Variants in SHISA6 observed in about 807,000 individuals in gnomAD.
The protein encoded by SHISA6 is protein shisa-6.
Under a neutral mutation model 47.9 loss-of-function variants are expected in SHISA6, and 22 were observed. That is an observed-to-expected ratio of 0.46 (90% CI 0.33 to 0.66). The LOEUF is 0.66. Among genes scored for constraint, SHISA6 ranks in the 30% least tolerant of loss-of-function variants. The pLI is 0.02. For synonymous variants in SHISA6, 388 were observed against 337.8 expected (o/e 1.15, Z -1.63); for missense variants, 680 against 764.6 (o/e 0.89, Z 1.30).
chr17:11,264,274 T>C (rs1415757407), intron 2 of SHISA6, among the ~76,000 whole-genome samples: 2 of 152,224 alleles, frequency 1.3e-5, no homozygotes, highest in African/African-American at 4.8e-5. Context: ...TTTACATATA[T>C]TTTCTTATTT....
At chr17:11,403,113 T>G (rs1913835134) in intron 3 of SHISA6, among the ~76,000 whole-genome samples, 1 of 152,238 alleles carries the variant, frequency 6.6e-6, no homozygotes. Flanking sequence ...ATTATGCTAA[T>G]GTACCAAGGG....
intron 2 of SHISA6, among the ~76,000 whole-genome samples, chr17:11,299,232 A>G (rs941919698): frequency 2.0e-5 from 3 of 152,208 alleles, no homozygotes; most frequent in Admixed American, 2.0e-4. Flanking sequence ...AAGCAGTTGG[A>G]TCGGAATAAT....
chr17:11,295,242 A>G (rs1201715376), intron 2 of SHISA6, among the ~76,000 whole-genome samples: 2 of 152,258 alleles, frequency 1.3e-5, no homozygotes, highest in Non-Finnish European at 2.9e-5. Context: ...GGGGACTACC[A>G]TATCAGTCTT....
chr17:11,498,236 C>T (rs2071424086), intron 3 of SHISA6, among the ~76,000 whole-genome samples: 1 of 152,154 alleles, frequency 6.6e-6, no homozygotes, highest in Admixed American at 6.5e-5. Flanking sequence ...AGTGTTCACT[C>T]CTGATGTATC....
chr17:11,356,344 C>A (rs1056685994), intron 2 of SHISA6, among the ~76,000 whole-genome samples: 2 of 152,148 alleles, frequency 1.3e-5, no homozygotes, highest in Non-Finnish European at 2.9e-5. Context: ...CAGGTAGTCC[C>A]CTCCAGAGAC....
At chr17:11,402,207 A>G (rs912701468) in intron 3 of SHISA6, among the ~76,000 whole-genome samples, 3 of 152,110 alleles carry the variant, frequency 2.0e-5, no homozygotes, top group South Asian at 2.1e-4. Flanking sequence ...CTTCCTGGCC[A>G]TACTTCAAAT....
At chr17:11,427,594 T>A (rs572210686) in intron 3 of SHISA6, among the ~76,000 whole-genome samples, 76 of 152,226 alleles carry the variant, frequency 5.0e-4, no homozygotes, top group African/African-American at 1.8e-3. Flanking sequence ...GGGTGAAACA[T>A]CCTCAAGTTA....
chr17:11,298,564 T>C (rs1366492336), intron 2 of SHISA6, among the ~76,000 whole-genome samples: 1 of 152,156 alleles, frequency 6.6e-6, no homozygotes, highest in Non-Finnish European at 1.5e-5. Flanking sequence ...CAACAGGTGA[T>C]GACAAGGAGG....
At chr17:11,281,723 G>T (rs1362379243) in intron 2 of SHISA6, among the ~76,000 whole-genome samples, 2 of 152,146 alleles carry the variant, frequency 1.3e-5, no homozygotes. Flanking sequence ...AACTTTACCA[G>T]TGAAGGCATC....
chr17:11,381,125 T>C lies in SHISA6; in HGVS notation c.895+1616T>C, dbSNP rs377719735. On this transcript the variant is annotated intron_variant, in intron 3 of 5. Transcript: ENST00000441885. ...GCCAGCTACCACAAGCCTACAAACC[T>C]TGGAGCAGAGGTGGAAATATGGATT... Among the ~76,000 whole-genome samples the C allele has an allele frequency of 2.2e-4, 33 of 152,188 alleles. No homozygotes were observed. In the East Asian group the frequency reaches 3.1e-3, roughly 14 times the overall value.
intron 4 of SHISA6, among the ~76,000 whole-genome samples, chr17:11,554,496 C>T (rs979269964): frequency 6.6e-6 from 1 of 152,126 alleles, no homozygotes; most frequent in African/African-American, 2.4e-5. Context: ...TCACACAGTC[C>T]ACAGAATTCC....
chr17:11,351,949 G>A (rs1214888610), intron 2 of SHISA6, among the ~76,000 whole-genome samples: 1 of 152,186 alleles, frequency 6.6e-6, no homozygotes, highest in Non-Finnish European at 1.5e-5. Flanking sequence ...AGGTAAGTAT[G>A]GAAAAGACAT....
At chr17:11,324,128 A>T (rs1255369854) in intron 2 of SHISA6, among the ~76,000 whole-genome samples, 1 of 152,084 alleles carries the variant, frequency 6.6e-6, no homozygotes, top group African/African-American at 2.4e-5. Context: ...TCTTGGGAAT[A>T]TTTCCCGTCC....
intron 2 of SHISA6, among the ~76,000 whole-genome samples, chr17:11,316,042 T>C (rs1343629337): frequency 6.6e-6 from 1 of 152,200 alleles, no homozygotes; most frequent in Non-Finnish European, 1.5e-5. Context: ...ACTCTTTGCC[T>C]ATCTGCTCAT....
chr17:11,379,636 C>T (rs754376676), intron 3 of SHISA6, 127 bp downstream of exon 3: 21 of 621,866 alleles, frequency 3.4e-5, no homozygotes, highest in Admixed American at 6.6e-5. Flanking sequence ...TCCATGGCAG[C>T]TTGTCCTGGT....
intron 3 of SHISA6, among the ~76,000 whole-genome samples, chr17:11,526,935 A>ATT (rs1210830158): frequency 2.0e-5 from 1 of 50,346 alleles, no homozygotes; most frequent in Non-Finnish European, 3.7e-5. Flanking sequence ...ATATATATAT[A>ATT]TTATAATGAT....
intron 2 of SHISA6, among the ~76,000 whole-genome samples, chr17:11,276,714 T>A (rs1225646047): frequency 2.0e-5 from 3 of 151,968 alleles, no homozygotes; most frequent in Admixed American, 6.6e-5. Flanking sequence ...ACCACCATTA[T>A]CATCATCACC....
chr17:11,255,927 G>T (rs1291381695), intron 1 of SHISA6, among the ~76,000 whole-genome samples: 1 of 152,244 alleles, frequency 6.6e-6, no homozygotes, highest in Non-Finnish European at 1.5e-5. Context: ...CAGGCTCCTT[G>T]TAAGCCTCGT....
At chr17:11,518,432 G>T (rs73286868) in intron 3 of SHISA6, among the ~76,000 whole-genome samples, 3,240 of 152,030 alleles carry the variant, frequency 0.021, 112 homozygotes, top group African/African-American at 0.073. Context: ...ACTTTAACAT[G>T]TTGGGCCAGG....
Sources: allele counts gnomAD v4.1 joint callset (sites outside exome capture counted in the v4.1 genomes callset), GRCh38; gene constraint gnomAD v4.1.1; transcripts MANE v1.5; gene names NCBI Gene and HGNC (gene_info 2026-07-23, HGNC 2026-07-21).